The following CAPG variants were observed in gnomAD, a reference collection of about 807,000 sequenced individuals.
The protein encoded by CAPG is capping actin protein, gelsolin like.
In CAPG, 32 loss-of-function variants were observed where a neutral mutation model predicts 44.6. That is an observed-to-expected ratio of 0.72 (90% CI 0.54 to 0.96). The LOEUF is 0.96. Among genes scored for constraint, CAPG ranks in the 50% least tolerant of loss-of-function variants. The pLI, the probability that CAPG is intolerant of heterozygous loss-of-function variation, is 0.00. For synonymous variants in CAPG, 175 were observed against 179.6 expected, an observed-to-expected ratio of 0.97 and a Z score of 0.20; for missense variants, 412 against 438.3, an observed-to-expected ratio of 0.94 and a Z score of 0.54.
In CAPG at chr2:85,395,958, C is replaced by A; in HGVS notation, c.893-332G>T. 1 of 286,718 alleles carries A rather than the reference C, an allele frequency of 3.5e-6. No individual in the cohort carries two copies. Among genetic ancestry groups the A allele is most frequent in the South Asian group, 5.5e-5 (1 of 18,052 alleles). The allele number at this position is 286,718 out of a possible 1,614,324, so 17.8% of individuals were successfully genotyped here. ...ATCAGACTGTGAGGCCGCAGGTCTCCTTTTCCTCTAGGACCCCTCACCTCT... is the reference window on the plus strand; with the variant it reads ...ATCAGACTGTGAGGCCGCAGGTCTCATTTTCCTCTAGGACCCCTCACCTCT... On this transcript the variant is annotated intron_variant, in intron 8 of 9. Coordinates refer to ENST00000263867, the MANE Select transcript of CAPG (RefSeq NM_001747.4). This position sits in a 1 kb window ranked among gnomAD's most constrained non-coding sequence, Gnocchi z 4.3.
At chr2:85,408,235 A>C (rs1177031203) in intron 1 of CAPG, among the ~76,000 whole-genome samples, 1 of 151,864 alleles carries the variant, frequency 6.6e-6, no homozygotes, top group Non-Finnish European at 1.5e-5. Flanking sequence ...CCAGCTACTT[A>C]GGAGGCTGAG....
chr2:85,409,851 G>A (rs1008987583), intron 1 of CAPG: 13 of 152,196 alleles, frequency 8.5e-5, no homozygotes, highest in Non-Finnish European at 7.3e-5. Context: ...GAATTCAAAT[G>A]GCTAGGACTG....
intron 1 of CAPG, among the ~76,000 whole-genome samples, chr2:85,404,273 CAA>C (rs75426587): frequency 1.5e-4 from 14 of 94,430 alleles, no homozygotes; most frequent in Admixed American, 3.4e-4. Context: ...GCTCACAACG[CAA>C]AAAAAAAAAA....
At chr2:85,399,598 G>A (rs35522137) in intron 5 of CAPG, among the ~76,000 whole-genome samples, 7,587 of 152,076 alleles carry the variant, frequency 0.05, 227 homozygotes, top group Non-Finnish European at 0.068. Context: ...TCAAGCAATC[G>A]TTGCACCTTA....
At chr2:85,402,215 GTGGGGC>G in intron 1 of CAPG, 57 bp from the exon 2 acceptor site, 1 of 1,464,394 alleles carries the variant, frequency 6.8e-7, no homozygotes, top group East Asian at 2.5e-5. Flanking sequence ...GACCTCTCAC[GTGGGGC>G]TGGAGAGGCC....
chr2:85,411,889 CTG>C (rs1217089715), upstream of CAPG, among the ~76,000 whole-genome samples: 1 of 151,104 alleles, frequency 6.6e-6, no homozygotes, highest in Non-Finnish European at 1.5e-5. Context: ...TGGTGAAACC[CTG>C]TCTCTACTAA....
At position 85,398,079 on chromosome 2, in the gene CAPG, A is replaced by G. The variant is rs750399793; in HGVS notation, c.833T>C (p.Ile278Thr). The G allele has an allele frequency of 1.2e-6, 2 of 1,614,146 alleles. No homozygotes were observed. The highest frequency in any genetic ancestry group is 2.2e-5 in the South Asian group (2 of 91,086). Residue 278 changes from isoleucine (I) to threonine (T), a missense_variant, in exon 8 of 10, where the codon ATA (isoleucine) becomes ACA (threonine). Coordinates refer to ENST00000263867, the MANE Select transcript of CAPG (RefSeq NM_001747.4). ...DSSPFALELL[I>T]SDDCFVLDNG... ...GTCCAGCACAAAGCAGTCATCAGATATCAGCAGTTCAAGGGCAAATGGGCT... is the reference window on the plus strand; with the variant it reads ...GTCCAGCACAAAGCAGTCATCAGATGTCAGCAGTTCAAGGGCAAATGGGCT...
intron 1 of CAPG, 114 bp from the exon 2 acceptor site, chr2:85,402,272 C>T (rs1686940159): frequency 1.3e-6 from 1 of 760,498 alleles, no homozygotes; most frequent in African/African-American, 1.8e-5. Flanking sequence ...TCAACTACTC[C>T]ACCTCTAGGA....
chr2:85,401,517 G>A lies in CAPG; in HGVS notation c.351+12C>T, dbSNP rs368233778. 8.7e-6 allele frequency: 14 copies of A among 1,613,626 alleles called. No homozygotes were observed. The highest frequency in any genetic ancestry group is 1.2e-5 in the Non-Finnish European group (14 of 1,179,704). On this transcript the variant is annotated intron_variant, in intron 4 of 9. Coordinates refer to ENST00000263867, the MANE Select transcript of CAPG (RefSeq NM_001747.4). The stretch of plus-strand genomic sequence containing the variant: ...AGCTGCAGGGTGGGGGTGCCTAGAG[G>A]TGGGCTCTGACCTGGTACTTGAGGC...
At chr2:85,410,392 C>G (rs1687368974), upstream of CAPG, 1 of 152,390 alleles carries the variant, frequency 6.6e-6, no homozygotes, top group South Asian at 2.1e-4. Flanking sequence ...CTCTGGCTGC[C>G]CCAACCACCA....
chr2:85,401,293 T>C lies in CAPG; in HGVS notation c.388A>G (p.Thr130Ala), dbSNP rs1040571244. 1 of 1,614,158 alleles carries C rather than the reference T, an allele frequency of 6.2e-7. No homozygotes were observed. ...GVESAFHKTS[T>A]GAPAAIKKLY... Reference sequence around the variant, plus strand: ...TTCTTGATGGCAGCTGGGGCTCCTGTGGAGGTCTTGTGAAATGCTGACTCC... The same window carrying C: ...TTCTTGATGGCAGCTGGGGCTCCTGCGGAGGTCTTGTGAAATGCTGACTCC... The change falls in exon 5 of 10, where the codon ACA (threonine) becomes GCA (alanine). Residue 130 changes from threonine to alanine, a missense_variant. Physicochemically the swap from Thr to Ala is moderately conservative, Grantham distance 58 (BLOSUM62 0). Coordinates refer to ENST00000263867, the MANE Select transcript of CAPG (RefSeq NM_001747.4).
intron 1 of CAPG, among the ~76,000 whole-genome samples, chr2:85,407,525 C>A (rs1376548589): frequency 6.6e-6 from 1 of 151,818 alleles, no homozygotes; most frequent in Non-Finnish European, 1.5e-5. Flanking sequence ...CCAGCCTGGG[C>A]AACATGGTGA....
At chr2:85,414,686 C>A (rs1486971973), upstream of CAPG, among the ~76,000 whole-genome samples, 1 of 151,944 alleles carries the variant, frequency 6.6e-6, no homozygotes, top group African/African-American at 2.4e-5. Flanking sequence ...CCTGCTTTGG[C>A]CTCCCAAAGT....
At chr2:85,418,332 C>T (rs1558742089) in exon 1 of CAPG, 1 of 152,244 alleles carries the variant, frequency 6.6e-6, no homozygotes, top group Non-Finnish European at 1.5e-5. Context: ...CACCGGGAGC[C>T]CAGCCGGAGT....
At chr2:85,391,652 C>G (rs1686365039), downstream of CAPG, 1 of 152,780 alleles carries the variant, frequency 6.5e-6, no homozygotes, top group South Asian at 2.1e-4. Flanking sequence ...GGGCTTCCTC[C>G]TGTAGATGCT....
At chr2:85,398,892 G>A (rs1298502499) in intron 6 of CAPG, 110 bp from the exon 7 acceptor site, 1 of 907,278 alleles carries the variant, frequency 1.1e-6, no homozygotes, top group Non-Finnish European at 1.7e-6. Flanking sequence ...CCCTGCACTA[G>A]GGCACCCAGC....
chr2:85,406,909 C>T (rs1274752325), intron 1 of CAPG, among the ~76,000 whole-genome samples: 1 of 151,010 alleles, frequency 6.6e-6, no homozygotes, highest in Non-Finnish European at 1.5e-5. Context: ...TCTCTTTACC[C>T]TTGATGTTTC....
At chr2:85,404,750 AAAAATAAAAT>A (rs555893562) in intron 1 of CAPG, among the ~76,000 whole-genome samples, 2 of 151,970 alleles carry the variant, frequency 1.3e-5, no homozygotes, top group Non-Finnish European at 2.9e-5. Flanking sequence ...TCTGTCTCAA[AAAAATAAAAT>A]AAAATAAAAT....
intron 7 of CAPG, 67 bp downstream of exon 7, chr2:85,398,623 G>T: frequency 7.7e-7 from 1 of 1,292,754 alleles, no homozygotes; most frequent in Non-Finnish European, 1.1e-6. Context: ...CTGCTTGCAT[G>T]CAGCTGTGCT....
Sources: allele counts gnomAD v4.1 joint callset (sites outside exome capture counted in the v4.1 genomes callset), GRCh38; gene constraint gnomAD v4.1.1; non-coding constraint Gnocchi (gnomAD v3.1); transcripts MANE v1.5; gene names NCBI Gene and HGNC (gene_info 2026-07-23, HGNC 2026-07-21).